The following SGCG variants were observed in gnomAD, a reference collection of about 807,000 sequenced individuals.
The protein encoded by SGCG is sarcoglycan gamma, also known as gamma-sarcoglycan.
Under a neutral mutation model 29.3 loss-of-function variants are expected in SGCG, and 26 were observed. That is an observed-to-expected ratio of 0.89 (90% CI 0.65 to 1.23). The LOEUF is 1.23. Among genes scored for constraint, SGCG ranks in the 50% most tolerant of loss-of-function variants. SGCG has a pLI of 0.00. For synonymous variants in SGCG, 145 were observed against 129.7 expected, an observed-to-expected ratio of 1.12 and a Z score of -0.80; for missense variants, 353 against 356.0, an observed-to-expected ratio of 0.99 and a Z score of 0.07.
intron 1 of SGCG, among the ~76,000 whole-genome samples, chr13:23,182,835 G>A (rs1010394619): frequency 2.0e-5 from 3 of 152,188 alleles, no homozygotes; most frequent in Admixed American, 1.3e-4. Context: ...CTAAGCACCA[G>A]TGAGACCTTT....
At chr13:23,289,960 G>A (rs997593286) in intron 5 of SGCG, among the ~76,000 whole-genome samples, 3 of 152,176 alleles carry the variant, frequency 2.0e-5, no homozygotes, top group East Asian at 1.9e-4. Context: ...TGTAGTACAC[G>A]TAATCAGCGA....
chr13:23,292,048 A>T (rs1035060511), intron 5 of SGCG, among the ~76,000 whole-genome samples: 9 of 152,120 alleles, frequency 5.9e-5, no homozygotes, highest in Non-Finnish European at 1.2e-4. Context: ...CACCAATCAG[A>T]GCTTGCCAGC....
At chr13:23,259,603 T>C (rs1283086415) in intron 4 of SGCG, among the ~76,000 whole-genome samples, 2 of 152,190 alleles carry the variant, frequency 1.3e-5, no homozygotes, top group Non-Finnish European at 2.9e-5. Context: ...ATTTGTTTGC[T>C]CTTGCTTCTC....
At chr13:23,227,059 G>C (rs1332744007) in intron 2 of SGCG, among the ~76,000 whole-genome samples, 1 of 152,020 alleles carries the variant, frequency 6.6e-6, no homozygotes, top group African/African-American at 2.4e-5. Flanking sequence ...AAAGAAAATG[G>C]AGGCTCTTTT....
intron 2 of SGCG, among the ~76,000 whole-genome samples, chr13:23,212,067 G>T (rs1878245047): frequency 6.6e-6 from 1 of 151,988 alleles, no homozygotes; most frequent in Non-Finnish European, 1.5e-5. Flanking sequence ...TCTTGCTCCT[G>T]CTCCTACCAT....
chr13:23,182,633 TG>T (rs2137465872), intron 1 of SGCG, among the ~76,000 whole-genome samples: 1 of 152,348 alleles, frequency 6.6e-6, no homozygotes, highest in Non-Finnish European at 1.5e-5. Flanking sequence ...TTATATGTTA[TG>T]CTGTAGATAG....
chr13:23,281,341 GTAA>G (rs57723057), intron 5 of SGCG, among the ~76,000 whole-genome samples: 24,511 of 145,272 alleles, frequency 0.17, 2,576 homozygotes, highest in East Asian at 0.48. Flanking sequence ...CCGTGTCTCA[GTAA>G]TAATAATAAT....
chr13:23,320,812 G>A (rs1423177085), intron 7 of SGCG, 52 bp downstream of exon 7: 1 of 1,565,196 alleles, frequency 6.4e-7, no homozygotes, highest in Admixed American at 1.7e-5. Flanking sequence ...TGATATTCCT[G>A]AGTACCATGT....
intron 1 of SGCG, among the ~76,000 whole-genome samples, chr13:23,182,964 A>G (rs1376228424): frequency 6.6e-6 from 1 of 152,200 alleles, no homozygotes; most frequent in Non-Finnish European, 1.5e-5. Context: ...CTTAAAACCT[A>G]GCTTCACCTT....
chr13:23,299,154 A>G (rs997209669), intron 6 of SGCG, among the ~76,000 whole-genome samples: 7 of 151,896 alleles, frequency 4.6e-5, no homozygotes, highest in African/African-American at 1.7e-4. Context: ...AAAGGTAGCC[A>G]CTCATAATCG....
At position 23,299,456 on chromosome 13, in the gene SGCG, A is replaced by ATTTTTTTTT. The variant is rs71100168; in HGVS notation, c.578+3977_578+3985dup. Among the ~76,000 whole-genome samples, 244 of 41,466 alleles carry ATTTTTTTTT rather than the reference A, an allele frequency of 5.9e-3. 26 individuals carry two copies. The highest frequency in any genetic ancestry group is 8.9e-3 in the Non-Finnish European group (186 of 20,790). 27.2% of individuals were successfully genotyped at this position (41,466 alleles called of 152,430 possible). A position where few individuals can be genotyped will look rare whatever the true frequency, so the allele number is the denominator to read the frequency against. Reference sequence around the variant, plus strand: ...TATATATATATATATATATATATATATTTTTTTTTTTTTTTTAGTCGGAGT... The same window carrying ATTTTTTTTT: ...TATATATATATATATATATATATATATTTTTTTTTTTTTTTTTTTTTTTTTAGTCGGAGT... On this transcript the variant is annotated intron_variant, in intron 6 of 7. Transcript: ENST00000218867.
At chr13:23,166,931 T>C in the SGCG span, among the ~76,000 whole-genome samples, 1 of 152,214 alleles carries the variant, frequency 6.6e-6, no homozygotes, top group Non-Finnish European at 1.5e-5. Flanking sequence ...TTATACTCTT[T>C]TTATTTTAAA....
intron 2 of SGCG, among the ~76,000 whole-genome samples, chr13:23,233,335 A>C (rs532513258): frequency 1.2e-4 from 19 of 152,352 alleles, no homozygotes; most frequent in African/African-American, 4.6e-4. Flanking sequence ...ATATGATATG[A>C]TTCCACTTAC....
intron 3 of SGCG, among the ~76,000 whole-genome samples, chr13:23,240,072 T>C (rs1228434595): frequency 2.6e-5 from 4 of 152,140 alleles, no homozygotes; most frequent in African/African-American, 9.7e-5. Flanking sequence ...AGAAGAAACC[T>C]ACCTTAATTA....
intron 1 of SGCG, among the ~76,000 whole-genome samples, chr13:23,191,002 T>A (rs3829356): frequency 0.55 from 83,868 of 151,932 alleles, 23,276 homozygotes; most frequent in Middle Eastern, 0.65. Flanking sequence ...AGGTACTTTC[T>A]GAGTAATTTG....
intron 1 of SGCG, among the ~76,000 whole-genome samples, chr13:23,201,648 C>T (rs1028668873): frequency 4.6e-5 from 7 of 152,182 alleles, no homozygotes; most frequent in African/African-American, 1.4e-4. Context: ...TTGACCTCCA[C>T]AACTATAAGA....
chr13:23,169,726 ACACACACAC>A, the SGCG span: 1 of 149,174 alleles, frequency 6.7e-6, no homozygotes, highest in African/African-American at 2.5e-5. Flanking sequence ...ACACACACAC[ACACACACAC>A]ACACACACAC....
At chr13:23,285,377 G>A (rs142022963) in intron 5 of SGCG, among the ~76,000 whole-genome samples, 1 of 152,200 alleles carries the variant, frequency 6.6e-6, no homozygotes, top group South Asian at 2.1e-4. Flanking sequence ...ATCCACCTAG[G>A]TCAACCTTCT....
At position 23,312,403 on chromosome 13, in the gene SGCG, C is replaced by T. The variant is rs537414998; in HGVS notation, c.579-8234C>T. On this transcript the variant is annotated intron_variant, in intron 6 of 7. Transcript: ENST00000218867. ...GGACTAAATTTTAAGAATAATTGTA[C>T]TTGAAGCCATGAAGTAAGATTTTAA... Among the ~76,000 whole-genome samples, 22 of 152,264 alleles carry T rather than the reference C, an allele frequency of 1.4e-4. No homozygotes were observed. The South Asian group carries it at 4.4e-3, about 30-fold the overall frequency.
Sources: allele counts gnomAD v4.1 joint callset (sites outside exome capture counted in the v4.1 genomes callset), GRCh38; gene constraint gnomAD v4.1.1; transcripts MANE v1.5; gene names NCBI Gene and HGNC (gene_info 2026-07-23, HGNC 2026-07-21).